Variants in VEZT observed in about 807,000 individuals in gnomAD.
The protein encoded by VEZT is vezatin, adherens junctions transmembrane protein.
VEZT carries 39 observed loss-of-function variants against 79.9 expected under a neutral mutation model. That is an observed-to-expected ratio of 0.49 (90% CI 0.38 to 0.64). VEZT has a LOEUF of 0.64. VEZT is among the 30% of genes least tolerant of loss of function. The pLI, the probability that VEZT is intolerant of heterozygous loss-of-function variation, is 0.00. For missense variants in VEZT, 837 were observed against 893.1 expected (o/e 0.94, Z 0.80); for synonymous variants, 325 against 327.6 (o/e 0.99, Z 0.09).
At chr12:95,288,154 C>A (rs2071477235) in intron 9 of VEZT, among the ~76,000 whole-genome samples, 1 of 151,964 alleles carries the variant, frequency 6.6e-6, no homozygotes, top group Admixed American at 6.6e-5. Flanking sequence ...TTAGAACTTC[C>A]AGAAACTCTT....
intron 1 of VEZT, chr12:95,231,571 ATTTTAATGGACCC>A (rs2059281139): frequency 6.6e-6 from 1 of 152,206 alleles, no homozygotes; most frequent in Non-Finnish European, 1.5e-5. Context: ...AGTTGGACCA[ATTTTAATGGACCC>A]TTTTAGCTTA....
chr12:95,249,957 G>A (rs1168734084), intron 1 of VEZT, among the ~76,000 whole-genome samples: 1 of 151,138 alleles, frequency 6.6e-6, no homozygotes, highest in African/African-American at 2.4e-5. Context: ...CCTTAACTGA[G>A]AAGATGAAAG....
chr12:95,278,850 A>G (rs909889323), intron 7 of VEZT, among the ~76,000 whole-genome samples: 2 of 152,212 alleles, frequency 1.3e-5, no homozygotes, highest in African/African-American at 2.4e-5. Flanking sequence ...GGGCGGATCA[A>G]CTGAGGTTGG....
In VEZT at chr12:95,302,687, AT is replaced by A. The variant is rs1403569119; in HGVS notation, c.*2019del. On this transcript the variant is annotated 3_prime_UTR_variant, in exon 12 of 12. Transcript: ENST00000436874. ...ACTACATCAAAATAAATAAAGTCTT[AT>A]TTTTAAAATGCAAATTTTAGACCAT... 1.3e-5 allele frequency: 2 copies of A among 152,162 alleles called. No homozygotes were observed. Among genetic ancestry groups the A allele is most frequent in the Non-Finnish European group, 2.9e-5 (2 of 68,020 alleles). 9.4% of individuals were successfully genotyped at this position (152,162 alleles called of 1,614,324 possible). A position where few individuals can be genotyped will look rare whatever the true frequency, so the allele number is the denominator to read the frequency against.
At chr12:95,233,867 G>A (rs565607255) in intron 1 of VEZT, among the ~76,000 whole-genome samples, 6 of 152,104 alleles carry the variant, frequency 3.9e-5, no homozygotes, top group South Asian at 2.1e-4. Context: ...AGTACTAGTC[G>A]ATATTCTTGT....
chr12:95,281,727 G>A (rs1308689069), intron 7 of VEZT, among the ~76,000 whole-genome samples: 1 of 151,974 alleles, frequency 6.6e-6, no homozygotes, highest in African/African-American at 2.4e-5. Context: ...TGTATTTTTA[G>A]TAGAGACGAG....
intron 6 of VEZT, among the ~76,000 whole-genome samples, chr12:95,273,158 C>G (rs2066964150): frequency 6.6e-6 from 1 of 151,872 alleles, no homozygotes; most frequent in African/African-American, 2.4e-5. Flanking sequence ...TATATGTAGA[C>G]AATGCAAAAT....
At chr12:95,286,928 C>T (rs2071070059) in intron 8 of VEZT, 1 of 153,482 alleles carries the variant, frequency 6.5e-6, no homozygotes, top group Non-Finnish European at 1.4e-5. Context: ...TGCATGTCAC[C>T]AGCTCGAGCC....
chr12:95,227,379 C>T (rs1351276955), intron 1 of VEZT, among the ~76,000 whole-genome samples: 17 of 138,124 alleles, frequency 1.2e-4, no homozygotes, highest in Non-Finnish European at 1.7e-4. Context: ...TTGCTCTTGT[C>T]GCCCAGGCTG....
chr12:95,295,040 G>A (rs553485784), intron 10 of VEZT, among the ~76,000 whole-genome samples: 1 of 152,316 alleles, frequency 6.6e-6, no homozygotes, highest in African/African-American at 2.4e-5. Context: ...TCATTGCTAA[G>A]TTAATGGGTG....
Position 95,287,807 on chromosome 12 carries a change from A to C in VEZT, c.1472A>C (p.Glu491Ala). The change falls in exon 9 of 12, where the codon GAG becomes GCG. Residue 491 changes from glutamate to alanine, a missense_variant. By Grantham distance (107) the Glu-to-Ala change is moderately radical. Coordinates refer to ENST00000436874, the MANE Select transcript of VEZT (RefSeq NM_017599.4). ...HVQASNNCWE[E>A]AISQVDKLLR... The stretch of plus-strand genomic sequence containing the variant: ...CAAGCAAGCAACAATTGCTGGGAAG[A>C]GGCCATTTCTCAGGTCGACAAACTG... 1 of 1,608,272 alleles carries C rather than the reference A, an allele frequency of 6.2e-7. No homozygotes were observed. The highest frequency in any genetic ancestry group is 1.3e-5 in the African/African-American group (1 of 75,010).
At position 95,266,344 on chromosome 12, in the gene VEZT, T is replaced by G. The variant is rs2065533716; in HGVS notation, c.435-13T>G. The G allele has an allele frequency of 6.2e-7, 1 of 1,601,872 alleles. No homozygotes were observed. Among genetic ancestry groups the G allele is most frequent in the African/African-American group, 1.3e-5 (1 of 74,678 alleles). On this transcript the variant is annotated splice_polypyrimidine_tract_variant and intron_variant, in intron 4 of 11. Coordinates refer to ENST00000436874, the MANE Select transcript of VEZT (RefSeq NM_017599.4). ...ATCTGATGCATATCATTTTCTTCCT[T>G]TCTTGTTCCCAGGGATCTCTCAATG...
chr12:95,277,985 C>T (rs1231166298), intron 7 of VEZT, among the ~76,000 whole-genome samples: 1 of 152,232 alleles, frequency 6.6e-6, no homozygotes, highest in Non-Finnish European at 1.5e-5. Context: ...GAATTGTACT[C>T]TAGCTTAAGT....
At chr12:95,263,969 C>T (rs1402034939) in intron 4 of VEZT, among the ~76,000 whole-genome samples, 3 of 151,954 alleles carry the variant, frequency 2.0e-5, no homozygotes, top group Non-Finnish European at 2.9e-5. Context: ...TAGCAAAAAG[C>T]GATTATATAT....
rs1172925221 is a variant in VEZT, at chr12:95,235,187, G to C, written c.37-16753G>C. Among the ~76,000 whole-genome samples, 378 of 151,836 alleles carry C rather than the reference G, an allele frequency of 2.5e-3. 1 individual carries two copies. Among genetic ancestry groups the C allele is most frequent in the African/African-American group, 8.4e-3 (347 of 41,418 alleles). On this transcript the variant is annotated intron_variant, in intron 1 of 11. Coordinates refer to ENST00000436874, the MANE Select transcript of VEZT (RefSeq NM_017599.4). ...GAGCTGTTGGGTACACCTCCCAGACGGGGTGGTGGCCGGGCAGAGGGGCTC... is the reference window on the plus strand; with the variant it reads ...GAGCTGTTGGGTACACCTCCCAGACCGGGTGGTGGCCGGGCAGAGGGGCTC...
chr12:95,290,707 G>A (rs1318085096), intron 9 of VEZT: 3 of 152,172 alleles, frequency 2.0e-5, no homozygotes, highest in South Asian at 2.1e-4. Context: ...TGGCTTTGGC[G>A]GCACATGTAT....
At chr12:95,274,594 T>C (rs1352607357) in intron 6 of VEZT, 148 bp from the exon 7 acceptor site, 5 of 703,950 alleles carry the variant, frequency 7.1e-6, no homozygotes, top group Non-Finnish European at 1.1e-5. Flanking sequence ...TATTAGATAC[T>C]TAAAATTAAT....
intron 7 of VEZT, among the ~76,000 whole-genome samples, chr12:95,275,328 C>T (rs2067432509): frequency 6.6e-6 from 1 of 152,128 alleles, no homozygotes; most frequent in African/African-American, 2.4e-5. Flanking sequence ...CCGGGTGGCT[C>T]ACGCCTGTAA....
At chr12:95,238,499 A>G (rs1019515361) in intron 1 of VEZT, among the ~76,000 whole-genome samples, 9 of 152,158 alleles carry the variant, frequency 5.9e-5, no homozygotes, top group African/African-American at 2.2e-4. Flanking sequence ...TTGATCTTCC[A>G]GACTACATAT....
Sources: gnomAD v4.1 joint callset for allele counts (sites outside exome capture counted in the v4.1 genomes callset) on GRCh38, gnomAD v4.1.1 for gene constraint, MANE v1.5 for transcripts, NCBI Gene and HGNC (gene_info 2026-07-23, HGNC 2026-07-21) for gene names.